ATG7: variants seen among roughly 807,000 people sequenced by gnomAD.
ATG7 encodes ubiquitin-like modifier-activating enzyme ATG7.
Under a neutral mutation model 82.4 loss-of-function variants are expected in ATG7, and 70 were observed. That is an observed-to-expected ratio of 0.85 (90% CI 0.70 to 1.04). The LOEUF is 1.04. Ranked by LOEUF, ATG7 falls within the 50% of genes least tolerant of loss-of-function variation. The probability of loss-of-function intolerance (pLI) is 0.00; values close to 1 mark genes in which losing one functional copy is unlikely to be tolerated. For synonymous variants in ATG7, 287 were observed against 313.0 expected (o/e 0.92, Z 0.88); for missense variants, 792 against 864.3 (o/e 0.92, Z 1.05).
intron 20 of ATG7, among the ~76,000 whole-genome samples, chr3:11,449,457 GA>G (rs1456932578): frequency 6.6e-6 from 1 of 152,202 alleles, no homozygotes; most frequent in Non-Finnish European, 1.5e-5. Context: ...ACTTTTAAGG[GA>G]ATGAAAAGGA....
At chr3:11,433,289 T>TAAA (rs56859088) in intron 20 of ATG7, among the ~76,000 whole-genome samples, 56 of 83,808 alleles carry the variant, frequency 6.7e-4, no homozygotes, top group African/African-American at 2.0e-3. Flanking sequence ...GTCTCTTATT[T>TAAA]AAAAAAAAAA....
intron 19 of ATG7, among the ~76,000 whole-genome samples, chr3:11,411,575 ACG>A (rs1199079026): frequency 8.9e-5 from 12 of 135,486 alleles, no homozygotes; most frequent in African/African-American, 3.3e-4. Flanking sequence ...AGCCGAGATC[ACG>A]CCACTGCACT....
At chr3:11,306,744 T>C (rs1947812060) in intron 5 of ATG7, among the ~76,000 whole-genome samples, 199 bp from the exon 6 acceptor site, 1 of 152,170 alleles carries the variant, frequency 6.6e-6, no homozygotes, top group South Asian at 2.1e-4. Context: ...AGGGAATATA[T>C]AGGCTTTTAG....
chr3:11,486,834 T>G, intron 20 of ATG7, among the ~76,000 whole-genome samples: 1 of 143,142 alleles, frequency 7.0e-6, no homozygotes, highest in East Asian at 2.1e-4. Flanking sequence ...TTTTTTTTTT[T>G]TTTTTTAATT....
intron 20 of ATG7, among the ~76,000 whole-genome samples, chr3:11,542,398 G>A (rs2070904417): frequency 6.6e-6 from 1 of 152,240 alleles, no homozygotes; most frequent in South Asian, 2.1e-4. Context: ...GGGAATTCCA[G>A]AGTCTTCTGC....
chr3:11,515,918 G>C (rs888537571), intron 20 of ATG7, among the ~76,000 whole-genome samples: 1 of 151,906 alleles, frequency 6.6e-6, no homozygotes, highest in Non-Finnish European at 1.5e-5. Flanking sequence ...GCCACGGGAA[G>C]TCTCAGCCTT....
intron 20 of ATG7, among the ~76,000 whole-genome samples, chr3:11,503,745 G>A (rs577599439): frequency 3.5e-4 from 36 of 102,836 alleles, no homozygotes; most frequent in African/African-American, 1.3e-3. Flanking sequence ...AACAGACCGA[G>A]ACTCTGTCTC....
At chr3:11,341,991 G>A in intron 12 of ATG7, 144 bp from the exon 13 acceptor site, 1 of 998,084 alleles carries the variant, frequency 1.0e-6, no homozygotes, top group Non-Finnish European at 1.4e-6. Context: ...TCTCCTCCCT[G>A]CTTACCCTCC....
intron 20 of ATG7, among the ~76,000 whole-genome samples, chr3:11,442,732 A>C (rs1050471348): frequency 2.9e-5 from 3 of 102,310 alleles, no homozygotes; most frequent in African/African-American, 1.1e-4. Context: ...GTGAGACTCC[A>C]TCTCTACAAA....
chr3:11,288,286 T>G, intron 3 of ATG7, among the ~76,000 whole-genome samples: 1 of 152,360 alleles, frequency 6.6e-6, no homozygotes, highest in Non-Finnish European at 1.5e-5. Context: ...TGCTGAAATT[T>G]ATCTTACTAT....
At chr3:11,310,164 CAAAA>C (rs111335614) in intron 7 of ATG7, among the ~76,000 whole-genome samples, 1 of 129,714 alleles carries the variant, frequency 7.7e-6, no homozygotes, top group Non-Finnish European at 1.7e-5. Context: ...GACCCTGTCT[CAAAA>C]AAAAAAAAAT....
At chr3:11,393,762 C>A (rs1463660127) in intron 19 of ATG7, among the ~76,000 whole-genome samples, 1 of 151,972 alleles carries the variant, frequency 6.6e-6, no homozygotes, top group Non-Finnish European at 1.5e-5. Context: ...CTCACTGCAA[C>A]CTCCACCTCC....
downstream of ATG7, chr3:11,559,215 T>C: frequency 7.0e-7 from 1 of 1,425,550 alleles, no homozygotes; most frequent in Non-Finnish European, 9.2e-7. Context: ...GAAATACTTT[T>C]TCAACCTCAG....
At chr3:11,486,066 C>T (rs2089605134) in intron 20 of ATG7, among the ~76,000 whole-genome samples, 1 of 152,062 alleles carries the variant, frequency 6.6e-6, no homozygotes, top group Non-Finnish European at 1.5e-5. Flanking sequence ...TAGTTTTTTC[C>T]AATTCTGTGA....
At chr3:11,549,588 T>C (rs2071589624) in intron 20 of ATG7, among the ~76,000 whole-genome samples, 1 of 152,236 alleles carries the variant, frequency 6.6e-6, no homozygotes, top group Non-Finnish European at 1.5e-5. Context: ...AGTAGTTTAA[T>C]GGCTTAGGAG....
intron 18 of ATG7, among the ~76,000 whole-genome samples, chr3:11,379,290 G>GT (rs1204011445): frequency 1.3e-5 from 2 of 152,142 alleles, no homozygotes; most frequent in African/African-American, 4.8e-5. Context: ...CCCCTTTGGT[G>GT]TAAGTATAGT....
At chr3:11,568,130 C>T in the ATG7 span, among the ~76,000 whole-genome samples, 1 of 152,144 alleles carries the variant, frequency 6.6e-6, no homozygotes, top group Non-Finnish European at 1.5e-5. The surrounding 1 kb of genome is among the most constrained non-coding windows in gnomAD (Gnocchi z 5.9). Context: ...GCTCTGGATC[C>T]GGGCAAGGAT....
In ATG7 at chr3:11,468,468, T is replaced by G. The variant is rs936912251; in HGVS notation, c.2079+41542T>G. Among the ~76,000 whole-genome samples the G allele has an allele frequency of 3.3e-5, 5 of 152,312 alleles. No individual in the cohort carries two copies. The East Asian group carries it at 7.7e-4, about 24-fold the overall frequency. ...ACTTACCACCTTGGAAGTCATAAGATTCTGAAGTTTTCCACAGCTGCTGGG... is the reference window on the plus strand; with the variant it reads ...ACTTACCACCTTGGAAGTCATAAGAGTCTGAAGTTTTCCACAGCTGCTGGG... On this transcript the variant is annotated intron_variant, in intron 20 of 20. Coordinates refer to ENST00000693202, the MANE Select transcript of ATG7 (RefSeq NM_001349232.2).
intron 20 of ATG7, chr3:11,488,204 G>A (rs1448190323): frequency 1.8e-5 from 3 of 163,000 alleles, no homozygotes; most frequent in African/African-American, 1.4e-4. Context: ...CCAGACGATG[G>A]GCGGCCAGGC....
Sources: allele counts gnomAD v4.1 joint callset (sites outside exome capture counted in the v4.1 genomes callset), GRCh38; gene constraint gnomAD v4.1.1; non-coding constraint Gnocchi (gnomAD v3.1); transcripts MANE v1.5; gene names NCBI Gene and HGNC (gene_info 2026-07-23, HGNC 2026-07-21).